Variants in ANK3 observed in about 807,000 individuals in gnomAD.
ANK3 encodes ankyrin 3.
In ANK3, 57 loss-of-function variants were observed where a neutral mutation model predicts 370.9. That is an observed-to-expected ratio of 0.15 (90% CI 0.12 to 0.19). The LOEUF is 0.19. Ranked by LOEUF, ANK3 falls within the 10% of genes least tolerant of loss-of-function variation. The pLI is 1.00. For missense variants in ANK3, 4,439 were observed against 5,302.1 expected, an observed-to-expected ratio of 0.84 and a Z score of 5.06; for synonymous variants, 1,929 against 1,946.3, an observed-to-expected ratio of 0.99 and a Z score of 0.23.
chr10:60,145,506 A>G (rs925956022), intron 23 of ANK3, among the ~76,000 whole-genome samples: 5 of 152,230 alleles, frequency 3.3e-5, no homozygotes, highest in Admixed American at 2.0e-4. Flanking sequence ...AATTATAATT[A>G]ACACTAATAT....
chr10:60,300,361 T>C, intron 1 of ANK3: 1 of 1,289,762 alleles, frequency 7.8e-7, no homozygotes, highest in Non-Finnish European at 1.0e-6. Flanking sequence ...CCATTCTCTG[T>C]GGCCAAGTAA....
At chr10:60,645,031 A>G (rs1471850857) in intron 1 of ANK3, among the ~76,000 whole-genome samples, 2 of 152,036 alleles carry the variant, frequency 1.3e-5, no homozygotes, top group Non-Finnish European at 2.9e-5. Flanking sequence ...AAAATTTATG[A>G]GGCTTTTATA....
chr10:60,374,681 A>G (rs1233439276), intron 1 of ANK3, among the ~76,000 whole-genome samples: 1 of 152,236 alleles, frequency 6.6e-6, no homozygotes, highest in African/African-American at 2.4e-5. Flanking sequence ...CCAGAAACCC[A>G]GGAGAGTAGA....
chr10:60,445,128 G>A (rs752396391), intron 2 of ANK3, among the ~76,000 whole-genome samples: 18 of 152,174 alleles, frequency 1.2e-4, no homozygotes, highest in African/African-American at 3.4e-4. Context: ...TTTAAAAAAC[G>A]ATAAAACAGT....
rs1567066453 is a variant in ANK3, at chr10:60,469,073, A to ATATATATATATATACCACTTTTAG, written c.96+146112_96+146113insCTAAAAGTGGTATATATATATATA. On this transcript the variant is annotated intron_variant, in intron 2 of 43. Transcript: ENST00000373827. ...TATATATACCACTTTTAGTATATATATATATATATATATATATATATACCA... is the reference window on the plus strand; with the variant it reads ...TATATATACCACTTTTAGTATATATATATATATATATATACCACTTTTAGTATATATATATATATATATATACCA... Among the ~76,000 whole-genome samples the ATATATATATATATACCACTTTTAG allele has an allele frequency of 9.4e-4, 21 of 22,436 alleles. 3 individuals are homozygous for ATATATATATATATACCACTTTTAG. Among genetic ancestry groups the ATATATATATATATACCACTTTTAG allele is most frequent in the African/African-American group, 2.7e-3 (17 of 6,228 alleles). 14.7% of individuals were successfully genotyped at this position (22,436 alleles called of 152,430 possible).
chr10:60,716,094 C>T (rs1219701287), intron 1 of ANK3, among the ~76,000 whole-genome samples: 2 of 151,996 alleles, frequency 1.3e-5, no homozygotes, highest in Admixed American at 1.3e-4. Context: ...TACCTATTAC[C>T]AGACATGAAT....
chr10:60,146,680 G>C (rs1467335386), intron 23 of ANK3, among the ~76,000 whole-genome samples: 1 of 152,072 alleles, frequency 6.6e-6, no homozygotes, highest in African/African-American at 2.4e-5. Context: ...GTAGAGACAG[G>C]GTTCCACCAT....
At chr10:60,641,968 G>A (rs1265739518) in intron 1 of ANK3, among the ~76,000 whole-genome samples, 68 of 141,362 alleles carry the variant, frequency 4.8e-4, no homozygotes, top group Middle Eastern at 7.1e-3. Context: ...AAAAGTGGGC[G>A]AAGGACATGA....
chr10:60,433,821 A>C (rs1236853756), intron 2 of ANK3, among the ~76,000 whole-genome samples: 1 of 152,206 alleles, frequency 6.6e-6, no homozygotes, highest in Admixed American at 6.5e-5. Flanking sequence ...CCAAATTCTG[A>C]GTACATATAT....
chr10:60,318,755 CTCTT>C (rs2048011540), intron 1 of ANK3, among the ~76,000 whole-genome samples: 1 of 152,174 alleles, frequency 6.6e-6, no homozygotes, highest in Non-Finnish European at 1.5e-5. Flanking sequence ...AAAACATTAT[CTCTT>C]TTTTTAAATC....
intron 40 of ANK3, chr10:60,059,638 C>G: frequency 6.5e-7 from 1 of 1,537,246 alleles, no homozygotes. Context: ...TTTCTAGGCT[C>G]TGCTGGTTTA....
At chr10:60,662,309 T>C (rs949930165) in intron 1 of ANK3, among the ~76,000 whole-genome samples, 12 of 152,176 alleles carry the variant, frequency 7.9e-5, no homozygotes, top group Middle Eastern at 3.2e-3. Flanking sequence ...CCACTTCATA[T>C]CTGATAGATA....
intron 2 of ANK3, among the ~76,000 whole-genome samples, chr10:60,566,660 G>A (rs2077470391): frequency 6.6e-6 from 1 of 152,148 alleles, no homozygotes; most frequent in Admixed American, 6.5e-5. Flanking sequence ...ATTGCTCGAG[G>A]CCAGTAATTA....
intron 2 of ANK3, among the ~76,000 whole-genome samples, chr10:60,456,122 C>A (rs1257497053): frequency 6.6e-6 from 1 of 152,262 alleles, no homozygotes; most frequent in African/African-American, 2.4e-5. Context: ...AACTGTCCTC[C>A]CAATTAGTGG....
chr10:60,589,022 A>G (rs147553126), intron 2 of ANK3, among the ~76,000 whole-genome samples: 248 of 152,330 alleles, frequency 1.6e-3, no homozygotes, highest in African/African-American at 5.7e-3. Flanking sequence ...CAACATGTAC[A>G]TCCTGATTGT....
intron 2 of ANK3, among the ~76,000 whole-genome samples, chr10:60,589,930 A>G (rs2077886955): frequency 6.6e-6 from 1 of 152,168 alleles, no homozygotes; most frequent in South Asian, 2.1e-4. Context: ...GCCCCTCTCT[A>G]ATAATTGTTT....
intron 2 of ANK3, among the ~76,000 whole-genome samples, chr10:60,605,544 A>T (rs983158001): frequency 6.6e-6 from 1 of 152,226 alleles, no homozygotes; most frequent in Non-Finnish European, 1.5e-5. Flanking sequence ...TTAGTTATAG[A>T]TTCTATCCAT....
At chr10:60,554,531 A>G (rs2077164412) in intron 2 of ANK3, among the ~76,000 whole-genome samples, 1 of 152,180 alleles carries the variant, frequency 6.6e-6, no homozygotes, top group African/African-American at 2.4e-5. Flanking sequence ...CAATGGTATC[A>G]GGTTTTGTAG....
intron 38 of ANK3, among the ~76,000 whole-genome samples, chr10:60,065,540 C>A (rs922289713): frequency 6.6e-6 from 1 of 152,078 alleles, no homozygotes; most frequent in African/African-American, 2.4e-5. Flanking sequence ...TAGAAATTTA[C>A]CCTGACAATA....
Sources: gnomAD v4.1 joint callset for allele counts (sites outside exome capture counted in the v4.1 genomes callset) on GRCh38, gnomAD v4.1.1 for gene constraint, MANE v1.5 for transcripts, NCBI Gene and HGNC (gene_info 2026-07-23, HGNC 2026-07-21) for gene names.